FAM200B: variants seen among roughly 807,000 people sequenced by gnomAD.
FAM200B encodes the protein protein FAM200B.
In FAM200B, 32 loss-of-function variants were observed where a neutral mutation model predicts 33.1. The ratio of observed to expected loss-of-function variants is 0.97; its 90% CI spans 0.73 to 1.30. The LOEUF (loss-of-function observed/expected upper bound fraction) is 1.30. Ranked by LOEUF, FAM200B falls within the 50% of genes most tolerant of loss-of-function variation. FAM200B has a pLI of 0.00. For missense variants in FAM200B, 741 were observed against 754.0 expected (o/e 0.98, Z 0.20); for synonymous variants, 240 against 264.8 (o/e 0.91, Z 0.91).
the FAM200B span, among the ~76,000 whole-genome samples, chr4:15,676,133 T>C: frequency 6.6e-6 from 1 of 152,216 alleles, no homozygotes; most frequent in Non-Finnish European, 1.5e-5. Context: ...GCAACCCAGC[T>C]TATGGAAATT....
At chr4:15,655,159 T>A in the FAM200B span, 1 of 1,332,962 alleles carries the variant, frequency 7.5e-7, no homozygotes, top group East Asian at 3.6e-5. Flanking sequence ...CCGCTCCCCA[T>A]CGCCGCCCGC....
chr4:15,640,769 A>G, the FAM200B span: 6 of 1,370,562 alleles, frequency 4.4e-6, no homozygotes, highest in East Asian at 7.5e-5. Context: ...CTAAATCACG[A>G]AAGAAAAATT....
chr4:15,657,664 G>A, the FAM200B span, among the ~76,000 whole-genome samples: 1 of 152,228 alleles, frequency 6.6e-6, no homozygotes, highest in Non-Finnish European at 1.5e-5. Context: ...ATCCCTGTGA[G>A]TAATTTTTCC....
chr4:15,687,788 G>A lies in FAM200B; in HGVS notation c.811G>A (p.Asp271Asn), dbSNP rs1719022179. The A allele has an allele frequency of 2.6e-6, 4 of 1,550,564 alleles. No homozygotes were observed. The highest frequency in any genetic ancestry group is 3.5e-6 in the Non-Finnish European group (4 of 1,146,508). ...LNLTSHLSGL[D>N]IFTELERRIV... is the part of the protein sequence containing the mutation. ...TTTAACCTCACACCTAAGTGGATTA[G>A]ATATTTTTACAGAATTAGAAAGGCG... is the stretch of plus-strand genomic sequence containing the variant. The change falls in exon 2 of 2, where the codon GAT (aspartate) becomes AAT (asparagine). Residue 271 changes from aspartate (D) to asparagine (N), a missense_variant. Physicochemically the swap from Asp to Asn is conservative, Grantham distance 23. Transcript: ENST00000422728.
At chr4:15,677,105 A>G (rs1718023096), upstream of FAM200B, among the ~76,000 whole-genome samples, 1 of 152,202 alleles carries the variant, frequency 6.6e-6, no homozygotes, top group Admixed American at 6.5e-5. Flanking sequence ...AAGACAAGCA[A>G]GGTAACAGAT....
chr4:15,670,550 T>G, the FAM200B span, among the ~76,000 whole-genome samples: 94,318 of 151,962 alleles, frequency 0.62, 29,527 homozygotes, highest in Non-Finnish European at 0.66. Flanking sequence ...TTTATCCAAT[T>G]CAACAACCTT....
chr4:15,646,785 A>G, the FAM200B span, among the ~76,000 whole-genome samples: 1 of 148,536 alleles, frequency 6.7e-6, no homozygotes, highest in African/African-American at 2.5e-5. Flanking sequence ...TATGAGTGAG[A>G]ACATGCGGTG....
Position 15,688,743 on chromosome 4 carries a change from AAG to A in FAM200B, c.1768_1769del (p.Asp590LeufsTer6). On this transcript the variant is annotated frameshift_variant, in exon 2 of 2. Coordinates refer to ENST00000422728, the MANE Select transcript of FAM200B (RefSeq NM_001145191.2). LOFTEE classifies it high-confidence loss of function. ...TCAGCATTTTGGATGAAGGTAAAGG[AAG>A]ACTTTCCATTGTTAAGTAGAAAGAG... is the stretch of plus-strand genomic sequence containing the variant. 6.4e-7 allele frequency: 1 copy of A among 1,550,586 alleles called. No individual in the cohort carries two copies.
At chr4:15,675,096 C>T in the FAM200B span, among the ~76,000 whole-genome samples, 1 of 152,144 alleles carries the variant, frequency 6.6e-6, no homozygotes, top group African/African-American at 2.4e-5. Context: ...GATGAAGCAA[C>T]TGTAAGGTAT....
the FAM200B span, among the ~76,000 whole-genome samples, chr4:15,669,652 A>G: frequency 6.6e-6 from 1 of 152,200 alleles, no homozygotes; most frequent in African/African-American, 2.4e-5. Flanking sequence ...CAGAAAATGT[A>G]ACAAAACTCT....
the FAM200B span, chr4:15,655,091 GCGGCGA>G: frequency 1.2e-6 from 1 of 820,754 alleles, no homozygotes; most frequent in East Asian, 5.3e-5. Flanking sequence ...GGCTACTCGC[GCGGCGA>G]CGGCACGGGG....
At chr4:15,650,307 A>T in the FAM200B span, among the ~76,000 whole-genome samples, 2 of 152,232 alleles carry the variant, frequency 1.3e-5, no homozygotes, top group Non-Finnish European at 2.9e-5. Flanking sequence ...CTTCAGTATG[A>T]AATATAGTGC....
intron 1 of FAM200B, among the ~76,000 whole-genome samples, chr4:15,684,354 C>T (rs1165514111): frequency 3.9e-5 from 6 of 152,200 alleles, no homozygotes; most frequent in Admixed American, 3.9e-4. Context: ...CCCTAAAATT[C>T]CTCTGGCTTC....
intron 1 of FAM200B, among the ~76,000 whole-genome samples, chr4:15,685,887 C>A (rs995980354): frequency 6.6e-6 from 1 of 152,148 alleles, no homozygotes; most frequent in African/African-American, 2.4e-5. Context: ...TGCAGCACTA[C>A]CAAGGCAGGC....
chr4:15,639,407 A>T, the FAM200B span, among the ~76,000 whole-genome samples: 77 of 152,320 alleles, frequency 5.1e-4, no homozygotes, highest in African/African-American at 1.8e-3. Flanking sequence ...GGAACCATAA[A>T]AGTCAGAACT....
At chr4:15,642,246 T>G in the FAM200B span, among the ~76,000 whole-genome samples, 1 of 149,642 alleles carries the variant, frequency 6.7e-6, no homozygotes, top group Non-Finnish European at 1.5e-5. Flanking sequence ...ATGAAAACTT[T>G]TTTTTTTTTT....
At chr4:15,648,930 T>C in the FAM200B span, among the ~76,000 whole-genome samples, 197 of 152,312 alleles carry the variant, frequency 1.3e-3, no homozygotes, top group African/African-American at 3.6e-3. Context: ...TGGTAATCAT[T>C]ATACAATGTA....
the FAM200B span, chr4:15,640,960 T>C: frequency 3.8e-5 from 29 of 757,852 alleles, no homozygotes; most frequent in East Asian, 8.3e-4. Context: ...AAGTTTAAAA[T>C]GTGACATAAA....
At chr4:15,669,163 T>C in the FAM200B span, among the ~76,000 whole-genome samples, 4 of 152,150 alleles carry the variant, frequency 2.6e-5, no homozygotes, top group Non-Finnish European at 5.9e-5. Context: ...CACTAGGCCA[T>C]TGTCACTGCC....
Sources: allele counts gnomAD v4.1 joint callset (sites outside exome capture counted in the v4.1 genomes callset), GRCh38; gene constraint gnomAD v4.1.1; transcripts MANE v1.5; gene names NCBI Gene and HGNC (gene_info 2026-07-23, HGNC 2026-07-21).